HTR2C: variants seen among roughly 807,000 people sequenced by gnomAD.
HTR2C encodes the protein 5-hydroxytryptamine (serotonin) receptor 2C, G protein-coupled.
A neutral mutation model predicts 21.0 loss-of-function variants in HTR2C; 5 were observed. The observed-to-expected ratio is 0.24, with a 90% CI of 0.12 to 0.50. The LOEUF (loss-of-function observed/expected upper bound fraction) is 0.50, where lower values mean the gene tolerates loss of function less well. HTR2C is among the 20% of genes least tolerant of loss of function. The probability of loss-of-function intolerance (pLI) is 0.98; values close to 1 mark genes in which losing one functional copy is unlikely to be tolerated. For missense variants in HTR2C, 271 were observed against 371.2 expected (o/e 0.73, Z 2.22); for synonymous variants, 150 against 145.3 (o/e 1.03, Z -0.23).
intron 2 of HTR2C, among the ~76,000 whole-genome samples, chrX:114,702,031 A>C (rs781957495): frequency 9.2e-6 from 1 of 108,600 alleles, no homozygotes; most frequent in South Asian, 4.1e-4. Context: ...AGAGAAACGA[A>C]CAAAGCCTCC....
rs782606865 is a variant in HTR2C at position 114,886,986 on chromosome X, TA to T, written c.551-19599del. ...AAATAACAAACCAAGAGAAGCTCTC[TA>T]AAAGAAAAGATGTTTATTTGGGGAT... On this transcript the variant is annotated intron_variant, in intron 5 of 5. Coordinates refer to ENST00000276198, the MANE Select transcript of HTR2C (RefSeq NM_000868.4). Among the ~76,000 whole-genome samples, 4 of 111,914 alleles carry T rather than the reference TA, an allele frequency of 3.6e-5. No individual in the cohort carries two copies. The East Asian group carries it at 8.4e-4, about 24-fold the overall frequency.
At chrX:114,769,424 G>A in intron 4 of HTR2C, among the ~76,000 whole-genome samples, 1 of 109,126 alleles carries the variant, frequency 9.2e-6, no homozygotes, top group Non-Finnish European at 1.9e-5. Flanking sequence ...TTTGCTCTGG[G>A]GCTTACAATA....
intron 4 of HTR2C, among the ~76,000 whole-genome samples, chrX:114,760,687 T>A (rs1469922533): frequency 9.1e-6 from 1 of 110,438 alleles, no homozygotes; most frequent in Non-Finnish European, 1.9e-5. Flanking sequence ...CTGCTAATTT[T>A]TTTTTATTAT....
intron 4 of HTR2C, among the ~76,000 whole-genome samples, chrX:114,842,447 C>G (rs782481921): frequency 8.9e-6 from 1 of 112,132 alleles, no homozygotes; most frequent in Non-Finnish European, 1.9e-5. Context: ...TTGTTTGCAA[C>G]AGACTAGGAC....
intron 1 of HTR2C, chrX:114,589,683 C>T (rs1927554408): frequency 1.3e-5 from 3 of 229,443 alleles, no homozygotes; most frequent in African/African-American, 3.0e-5. Context: ...CCCCACAAAA[C>T]GACACAGTAC....
chrX:114,757,299 A>G (rs992032416), intron 4 of HTR2C, among the ~76,000 whole-genome samples: 1 of 111,715 alleles, frequency 9.0e-6, no homozygotes, highest in African/African-American at 3.2e-5. Flanking sequence ...ATAATAGTCC[A>G]TAGACTGTCA....
intron 4 of HTR2C, among the ~76,000 whole-genome samples, chrX:114,847,371 G>A (rs1602872583): frequency 1.1e-5 from 1 of 93,154 alleles, no homozygotes; most frequent in Admixed American, 1.2e-4. Flanking sequence ...CTCACTCATA[G>A]GTGGGAATTG....
rs73638466 is a variant in HTR2C, at chrX:114,728,853, A to G, written c.35+1882A>G. The stretch of plus-strand genomic sequence containing the variant: ...ACCCCTCTACCATTTTTAGAGACAT[A>G]TGAATGAATTTCGATGTTTTCACAA... On this transcript the variant is annotated intron_variant, in intron 3 of 5. Coordinates refer to ENST00000276198, the MANE Select transcript of HTR2C (RefSeq NM_000868.4). Among the ~76,000 whole-genome samples, 870 of 112,061 alleles carry G rather than the reference A, an allele frequency of 7.8e-3. 14 individuals are homozygous for G. Among genetic ancestry groups the G allele is most frequent in the African/African-American group, 0.026 (814 of 30,962 alleles).
Position 114,702,228 on chromosome X carries a change from C to T in HTR2C, c.-79-24630C>T, listed in dbSNP as rs781883403. 6.4e-4 allele frequency among the ~76,000 whole-genome samples: 70 copies of T among 108,605 alleles called. 1 individual carries two copies. The East Asian group carries it at 0.017, about 26-fold the overall frequency. The allele number at this position is 108,605 out of a possible 115,157, so 94.3% of individuals were successfully genotyped here. On this transcript the variant is annotated intron_variant, in intron 2 of 5. Coordinates refer to ENST00000276198, the MANE Select transcript of HTR2C (RefSeq NM_000868.4). ...CAGAGAATGCCACAAAGATACTCCTCGAGAAAAGCAACTCCAAGACACATA... is the reference window on the plus strand; with the variant it reads ...CAGAGAATGCCACAAAGATACTCCTTGAGAAAAGCAACTCCAAGACACATA...
intron 1 of HTR2C, among the ~76,000 whole-genome samples, chrX:114,605,881 A>G (rs1162149016): frequency 7.4e-5 from 8 of 107,642 alleles, no homozygotes; most frequent in East Asian, 3.0e-4. Flanking sequence ...GGGTTGGGGC[A>G]CAGAGATAAG....
intron 2 of HTR2C, among the ~76,000 whole-genome samples, chrX:114,620,158 G>A (rs1556401369): frequency 9.0e-6 from 1 of 111,688 alleles, no homozygotes; most frequent in East Asian, 2.8e-4. Flanking sequence ...GTATATGTGA[G>A]CTGTCAACTC....
intron 3 of HTR2C, among the ~76,000 whole-genome samples, chrX:114,728,530 A>G (rs1490363414): frequency 3.6e-5 from 4 of 111,620 alleles, no homozygotes; most frequent in South Asian, 3.7e-4. Context: ...AAAATTTATT[A>G]AACTGAATTT....
chrX:114,671,365 A>G (rs1416013131), intron 2 of HTR2C, among the ~76,000 whole-genome samples: 1 of 112,292 alleles, frequency 8.9e-6, no homozygotes, highest in Non-Finnish European at 1.9e-5. Context: ...TTCAGATCCC[A>G]GATGCCTGAT....
intron 5 of HTR2C, among the ~76,000 whole-genome samples, chrX:114,864,901 T>C (rs1192943670): frequency 9.4e-5 from 1 of 10,668 alleles, no homozygotes; most frequent in Admixed American, 2.4e-3. Context: ...TTTCTTTTTC[T>C]TTTTTTTTTT....
chrX:114,819,255 C>T (rs1468972280), intron 4 of HTR2C, among the ~76,000 whole-genome samples: 1 of 111,989 alleles, frequency 8.9e-6, no homozygotes, highest in African/African-American at 3.2e-5. Flanking sequence ...TCTAATCATA[C>T]TAGCAAGTTG....
intron 4 of HTR2C, among the ~76,000 whole-genome samples, chrX:114,804,203 T>C (rs2070380280): frequency 8.9e-6 from 1 of 111,938 alleles, no homozygotes; most frequent in African/African-American, 3.2e-5. Flanking sequence ...AAGCTACTGA[T>C]ATTCTGTCTC....
chrX:114,692,002 CT>C (rs1444864385), intron 2 of HTR2C, among the ~76,000 whole-genome samples: 1 of 111,393 alleles, frequency 9.0e-6, no homozygotes, highest in Admixed American at 9.6e-5. Context: ...AAATTTTTAT[CT>C]TCATTTTCAT....
At chrX:114,838,394 C>T (rs1400839723) in intron 4 of HTR2C, among the ~76,000 whole-genome samples, 2 of 111,960 alleles carry the variant, frequency 1.8e-5, no homozygotes, top group Non-Finnish European at 3.8e-5. Flanking sequence ...TCCCCACATT[C>T]CCATACATCT....
chrX:114,627,765 T>G (rs1403524567), intron 2 of HTR2C, among the ~76,000 whole-genome samples: 2 of 112,099 alleles, frequency 1.8e-5, no homozygotes, highest in African/African-American at 6.5e-5. Context: ...GATCAAATAA[T>G]TTTTTCACAA....
Sources: allele counts gnomAD v4.1 joint callset (sites outside exome capture counted in the v4.1 genomes callset), GRCh38; gene constraint gnomAD v4.1.1; transcripts MANE v1.5; gene names NCBI Gene and HGNC (gene_info 2026-07-23, HGNC 2026-07-21).